Variants in MAK observed in about 807,000 individuals in gnomAD.
MAK encodes the protein serine/threonine-protein kinase MAK.
A neutral mutation model predicts 82.6 loss-of-function variants in MAK; 65 were observed. The observed-to-expected ratio is 0.79, with a 90% CI of 0.64 to 0.97. The LOEUF (loss-of-function observed/expected upper bound fraction) is 0.97. Among genes scored for constraint, MAK ranks in the 50% least tolerant of loss-of-function variants. The probability of loss-of-function intolerance (pLI) is 0.00; values close to 1 mark genes in which losing one functional copy is unlikely to be tolerated. For missense variants in MAK, 703 were observed against 780.2 expected (o/e 0.90, Z 1.18); for synonymous variants, 250 against 274.2 (o/e 0.91, Z 0.87).
At chr6:10,775,819 C>G (rs1462164485) in intron 11 of MAK, among the ~76,000 whole-genome samples, 1 of 152,170 alleles carries the variant, frequency 6.6e-6, no homozygotes, top group Non-Finnish European at 1.5e-5. Context: ...GACAGGGTCT[C>G]TCTCTGTCGT....
intron 10 of MAK, among the ~76,000 whole-genome samples, chr6:10,787,874 AAG>A (rs1323746178): frequency 7.4e-6 from 1 of 135,100 alleles, no homozygotes; most frequent in Admixed American, 7.5e-5. Context: ...AAAAAAAAAA[AAG>A]TAGAAGAAAT....
At chr6:10,767,009 C>G (rs1772502351) in intron 14 of MAK, among the ~76,000 whole-genome samples, 1 of 152,140 alleles carries the variant, frequency 6.6e-6, no homozygotes, top group Non-Finnish European at 1.5e-5. Flanking sequence ...GGTGAAGAAC[C>G]TAACAGCTGA....
intron 12 of MAK, among the ~76,000 whole-genome samples, chr6:10,774,816 A>G (rs1224294482): frequency 3.3e-5 from 5 of 152,160 alleles, no homozygotes; most frequent in Non-Finnish European, 7.4e-5. Flanking sequence ...ATATTTTTAC[A>G]TTTTGGGGAA....
chr6:10,768,299 G>A (rs552460273), intron 14 of MAK, among the ~76,000 whole-genome samples: 58 of 152,130 alleles, frequency 3.8e-4, no homozygotes, highest in African/African-American at 1.2e-3. Flanking sequence ...AAATGTGGCC[G>A]GGTGCAGTGG....
chr6:10,815,069 T>C (rs981962589), intron 4 of MAK, among the ~76,000 whole-genome samples: 3 of 151,726 alleles, frequency 2.0e-5, no homozygotes, highest in African/African-American at 7.3e-5. Flanking sequence ...GAAATATATA[T>C]GAGAGCCACT....
intron 8 of MAK, among the ~76,000 whole-genome samples, chr6:10,796,748 G>GTGAGT (rs1422510541): frequency 6.7e-6 from 1 of 149,176 alleles, no homozygotes; most frequent in Non-Finnish European, 1.5e-5. Flanking sequence ...GGAGATTGTA[G>GTGAGT]TGAGCCAAGA....
intron 2 of MAK, 33 bp downstream of exon 2, chr6:10,830,515 C>G (rs2127590437): frequency 1.3e-6 from 2 of 1,533,088 alleles, no homozygotes; most frequent in Non-Finnish European, 1.8e-6. Flanking sequence ...GCAGAGTTTT[C>G]AAAGGTGAAG....
intron 10 of MAK, among the ~76,000 whole-genome samples, chr6:10,790,290 C>G (rs1406646268): frequency 6.6e-6 from 1 of 152,108 alleles, no homozygotes; most frequent in South Asian, 2.1e-4. Flanking sequence ...ATATGTACTC[C>G]TTAGAGATTC....
chr6:10,777,411 A>C (rs77015262), intron 11 of MAK, among the ~76,000 whole-genome samples: 48 of 149,270 alleles, frequency 3.2e-4, no homozygotes, highest in South Asian at 1.5e-3. Context: ...ACTGTCACAA[A>C]AAAAAAAAAA....
At chr6:10,775,580 AG>A (rs1196961726) in intron 11 of MAK, 121 bp from the exon 12 acceptor site, 17 of 1,136,406 alleles carry the variant, frequency 1.5e-5, no homozygotes, top group Non-Finnish European at 2.1e-5. Context: ...AAATAAATCT[AG>A]GTGAAAATGT....
At position 10,815,911 on chromosome 6, in the gene MAK, A is replaced by AGTGTGTGTATAT. The variant is rs1233214233; in HGVS notation, c.278+1938_278+1939insATATACACACAC. Among the ~76,000 whole-genome samples the AGTGTGTGTATAT allele has an allele frequency of 7.7e-5, 6 of 78,184 alleles. No homozygotes were observed. In the South Asian group the frequency reaches 1.2e-3, roughly 16 times the overall value. 51.3% of individuals were successfully genotyped at this position (78,184 alleles called of 152,430 possible). On this transcript the variant is annotated intron_variant, in intron 4 of 14. Coordinates refer to ENST00000354489, the MANE Select transcript of MAK (RefSeq NM_001242957.3). ...GTACTGTATTAGTGTAGCTTTATAC[A>AGTGTGTGTATAT]GTATATATATATATATATATATATA... is the stretch of plus-strand genomic sequence containing the variant.
Position 10,835,028 on chromosome 6 carries a change from T to C in MAK, c.-230+3475A>G, listed in dbSNP as rs555394540. Among the ~76,000 whole-genome samples the C allele has an allele frequency of 3.1e-4, 47 of 152,314 alleles. No individual in the cohort carries two copies. The South Asian group carries it at 7.0e-3, about 23-fold the overall frequency. ...TGACAAAGGCTTTGAGTTAACACAC[T>C]TGTGGGTAATTAACATGGTCGCACC... is the stretch of plus-strand genomic sequence containing the variant. On this transcript the variant is annotated intron_variant, in intron 1 of 14. Coordinates refer to ENST00000354489, the MANE Select transcript of MAK (RefSeq NM_001242957.3).
intron 13 of MAK, among the ~76,000 whole-genome samples, chr6:10,770,758 C>T (rs1289350005): frequency 6.6e-6 from 1 of 152,164 alleles, no homozygotes; most frequent in East Asian, 1.9e-4. Flanking sequence ...TCATTATCAA[C>T]ACCATCATCA....
chr6:10,777,918 A>G (rs996370750), intron 11 of MAK, among the ~76,000 whole-genome samples: 5 of 152,322 alleles, frequency 3.3e-5, no homozygotes, highest in African/African-American at 9.6e-5. Context: ...GATTACAGGT[A>G]TGAGCCACCT....
intron 11 of MAK, among the ~76,000 whole-genome samples, chr6:10,783,876 A>C (rs112217134): frequency 6.6e-6 from 1 of 152,104 alleles, no homozygotes; most frequent in Non-Finnish European, 1.5e-5. Context: ...AAAATTAGCC[A>C]GGCGTGGTGG....
chr6:10,795,862 C>A, intron 9 of MAK, 136 bp downstream of exon 9: 2 of 899,030 alleles, frequency 2.2e-6, no homozygotes, highest in Non-Finnish European at 1.8e-6. Context: ...ATGTCAAGCT[C>A]CAACCAGAGG....
chr6:10,781,793 T>G (rs911464952), intron 11 of MAK, among the ~76,000 whole-genome samples: 2 of 152,146 alleles, frequency 1.3e-5, no homozygotes, highest in African/African-American at 2.4e-5. Flanking sequence ...ATGTATACAT[T>G]TTTTCATCTG....
intron 10 of MAK, among the ~76,000 whole-genome samples, chr6:10,790,580 T>C (rs191192634): frequency 4.6e-5 from 7 of 152,324 alleles, no homozygotes; most frequent in African/African-American, 1.7e-4. Context: ...GAAAAAAGTT[T>C]AGAATAGCGA....
intron 9 of MAK, 82 bp from the exon 10 acceptor site, chr6:10,791,929 C>T (rs1383476270): frequency 7.2e-7 from 1 of 1,397,044 alleles, no homozygotes; most frequent in Non-Finnish European, 1.0e-6. Context: ...ATGTAAGACA[C>T]TAACAGTCCC....
Sources: gnomAD v4.1 joint callset for allele counts (sites outside exome capture counted in the v4.1 genomes callset) on GRCh38, gnomAD v4.1.1 for gene constraint, MANE v1.5 for transcripts, NCBI Gene and HGNC (gene_info 2026-07-23, HGNC 2026-07-21) for gene names.